Variants in SFTPB observed in about 807,000 individuals in gnomAD.
SFTPB encodes pulmonary surfactant-associated protein B.
SFTPB carries 32 observed loss-of-function variants against 51.0 expected under a neutral mutation model. The observed-to-expected ratio is 0.63, with a 90% CI of 0.47 to 0.84. The LOEUF (loss-of-function observed/expected upper bound fraction) is 0.84. Among genes scored for constraint, SFTPB ranks in the 40% least tolerant of loss-of-function variants. The probability of loss-of-function intolerance (pLI) is 0.00; values close to 1 mark genes in which losing one functional copy is unlikely to be tolerated. For missense variants in SFTPB, 431 were observed against 491.2 expected (o/e 0.88, Z 1.16); for synonymous variants, 211 against 208.5 (o/e 1.01, Z -0.10).
At chr2:85,664,009 A>G (rs1313681492) in intron 6 of SFTPB, among the ~76,000 whole-genome samples, 162 bp from the exon 7 acceptor site, 2 of 152,174 alleles carry the variant, frequency 1.3e-5, no homozygotes, top group Non-Finnish European at 2.9e-5. Flanking sequence ...CAGAGAGTCC[A>G]GGGGATGCAG....
rs1677177080 is a variant in SFTPB, at chr2:85,659,255, T to C, written c.*447A>G. The C allele has an allele frequency of 6.6e-6, 1 of 152,206 alleles. No homozygotes were observed. The highest frequency in any genetic ancestry group is 2.4e-5 in the African/African-American group (1 of 41,456). The allele number at this position is 152,206 out of a possible 1,614,324, so 9.4% of individuals were successfully genotyped here. A position where few individuals can be genotyped will look rare whatever the true frequency, so the allele number is the denominator to read the frequency against. Reference sequence around the variant, plus strand: ...GTTCCCATTTTTTATTCTTCTGAATTTTGAATTGCAAGTAGCTGTAAAATC... The same window carrying C: ...GTTCCCATTTTTTATTCTTCTGAATCTTGAATTGCAAGTAGCTGTAAAATC... On this transcript the variant is annotated 3_prime_UTR_variant, in exon 11 of 11. Transcript: ENST00000519937.
Position 85,665,500 on chromosome 2 carries a change from A to G in SFTPB, c.582+106T>C, listed in dbSNP as rs999240741. On this transcript the variant is annotated intron_variant, in intron 5 of 10. Transcript: ENST00000519937. ...CCTTAGGCCCTGCCTGGAGCTTCCTATCACCTTCCCGGCTCTGCCTCTCCC... is the reference window on the plus strand; with the variant it reads ...CCTTAGGCCCTGCCTGGAGCTTCCTGTCACCTTCCCGGCTCTGCCTCTCCC... 4 of 1,471,986 alleles carry G rather than the reference A, an allele frequency of 2.7e-6. No homozygotes were observed. In the African/African-American group the frequency reaches 5.6e-5, roughly 21 times the overall value. The allele number at this position is 1,471,986 out of a possible 1,614,324, so 91.2% of individuals were successfully genotyped here. A position where few individuals can be genotyped will look rare whatever the true frequency, so the allele number is the denominator to read the frequency against.
upstream of SFTPB, chr2:85,668,211 T>C: frequency 1.3e-6 from 2 of 1,550,490 alleles, no homozygotes; most frequent in Non-Finnish European, 8.7e-7. Flanking sequence ...GGTACCCTGC[T>C]TGGTGCATGG....
In SFTPB at chr2:85,661,553, C is replaced by T; in HGVS notation, c.1084-18G>A. The stretch of plus-strand genomic sequence containing the variant: ...CCGAGGGCCTGTCACAGGGACAGCA[C>T]CAGGGCTGAGGCCTGGGCCCCCTCA... On this transcript the variant is annotated intron_variant, in intron 9 of 10. Transcript: ENST00000519937. 6.2e-7 allele frequency: 1 copy of T among 1,606,368 alleles called. No individual in the cohort carries two copies. The highest frequency in any genetic ancestry group is 8.5e-7 in the Non-Finnish European group (1 of 1,176,506).
chr2:85,661,924 A>G, intron 9 of SFTPB, 105 bp downstream of exon 9: 2 of 1,136,840 alleles, frequency 1.8e-6, no homozygotes, highest in South Asian at 1.4e-5. Flanking sequence ...ACCTGGGACC[A>G]CCTTGGACCC....
intron 10 of SFTPB, chr2:85,661,204 G>T (rs1043734256): frequency 9.6e-6 from 4 of 414,808 alleles, no homozygotes; most frequent in Admixed American, 3.5e-5. Flanking sequence ...CGGGGGGTTG[G>T]GGGGGAAGCT....
intron 5 of SFTPB, 95 bp from the exon 6 acceptor site, chr2:85,665,473 T>A: frequency 1.4e-6 from 2 of 1,434,830 alleles, no homozygotes; most frequent in Non-Finnish European, 2.0e-6. Flanking sequence ...CTCTCCCTCC[T>A]CCCTTAGGCC....
chr2:85,662,409 G>A (rs757297894), intron 8 of SFTPB: 7 of 698,332 alleles, frequency 1.0e-5, no homozygotes, highest in Non-Finnish European at 1.2e-5. Context: ...GAAACTTAAC[G>A]TTCATCTGGT....
chr2:85,668,275 G>C, upstream of SFTPB: 1 of 1,272,070 alleles, frequency 7.9e-7, no homozygotes, highest in Non-Finnish European at 1.1e-6. Flanking sequence ...AGCGACCTCA[G>C]TGTTTGTCTT....
intron 4 of SFTPB, among the ~76,000 whole-genome samples, chr2:85,666,121 G>A (rs1456079969): frequency 2.6e-5 from 4 of 152,204 alleles, no homozygotes; most frequent in South Asian, 4.1e-4. Context: ...GCCCATGGTC[G>A]GGTGCATGGC....
chr2:85,668,135 G>T lies in SFTPB; in HGVS notation c.49C>A (p.Leu17Ile). ...GACTCACCAGTGCCTGGGCCACAGA[G>T]CGTGGGCAGCAGCAGCAGCAGCCAC... ...LQWLLLLLPT[L>I]CGPGTAAWTT... Residue 17 changes from leucine to isoleucine, a missense_variant, in exon 1 of 11, where the codon CTC becomes ATC. Leu to Ile is a conservative substitution (Grantham distance 5). Coordinates refer to ENST00000519937, the MANE Select transcript of SFTPB (RefSeq NM_000542.5). 1 of 1,551,330 alleles carries T rather than the reference G, an allele frequency of 6.4e-7. No homozygotes were observed.
chr2:85,663,881 C>G, intron 6 of SFTPB, 34 bp from the exon 7 acceptor site: 1 of 1,551,566 alleles, frequency 6.4e-7, no homozygotes, highest in Non-Finnish European at 8.7e-7. Flanking sequence ...CAGCATGGGA[C>G]CTTCACTTGG....
At chr2:85,668,012 G>T in intron 1 of SFTPB, 105 bp downstream of exon 1, 2 of 1,210,642 alleles carry the variant, frequency 1.7e-6, no homozygotes, top group Non-Finnish European at 1.2e-6. Context: ...AACCCCAGCT[G>T]CCTTGTCTTT....
rs114691084 is a variant in SFTPB, at chr2:85,659,546, C to T, written c.*156G>A. 1,560 of 152,650 alleles carry T rather than the reference C, an allele frequency of 0.01. 9 individuals carry two copies. Among genetic ancestry groups the T allele is most frequent in the Non-Finnish European group, 0.015 (1,018 of 68,300 alleles). 9.5% of individuals were successfully genotyped at this position (152,650 alleles called of 1,614,324 possible). ...GTGGTCCACCAGTGGAAGTGACTGCCGAGGAAGGGCGGTGAGGAGGGCGGT... is the reference window on the plus strand; with the variant it reads ...GTGGTCCACCAGTGGAAGTGACTGCTGAGGAAGGGCGGTGAGGAGGGCGGT... On this transcript the variant is annotated 3_prime_UTR_variant, in exon 11 of 11. Transcript: ENST00000519937.
At chr2:85,660,495 G>T (rs1677237682) in intron 10 of SFTPB, among the ~76,000 whole-genome samples, 1 of 137,362 alleles carries the variant, frequency 7.3e-6, no homozygotes, top group African/African-American at 2.8e-5. Context: ...TGTTGCCTAG[G>T]CTAGAGTGCA....
At chr2:85,661,650 G>A in intron 9 of SFTPB, 115 bp from the exon 10 acceptor site, 1 of 868,098 alleles carries the variant, frequency 1.2e-6, no homozygotes, top group Admixed American at 2.1e-5. Flanking sequence ...TGCTACCAGT[G>A]TGACTCTGTA....
chr2:85,665,241 A>T, intron 6 of SFTPB, 48 bp downstream of exon 6: 2 of 1,327,094 alleles, frequency 1.5e-6, no homozygotes, highest in African/African-American at 1.4e-5. Context: ...GCAGGGAGCT[A>T]CAGGTATGCG....
chr2:85,667,523 C>A (rs1052622291), intron 2 of SFTPB, among the ~76,000 whole-genome samples, 156 bp downstream of exon 2: 1 of 152,194 alleles, frequency 6.6e-6, no homozygotes, highest in African/African-American at 2.4e-5. Flanking sequence ...CCCATCGCAT[C>A]CATCCCATTC....
rs2104400347 is a variant in SFTPB, at chr2:85,663,444, A to G, written c.904T>C (p.Cys302Arg). The change falls in exon 8 of 11, where the codon TGC (cysteine) becomes CGC (arginine). Residue 302 changes from cysteine (C) to arginine (R), a missense_variant. By Grantham distance (180) the Cys-to-Arg change is radical (BLOSUM62 -3). Transcript: ENST00000519937. ...WLPRDSECHL[C>R]MSVTTQAGNS... ...CCGGCCTGGGTGGTCACGGACATGC[A>G]GAGGTGGCACTCAGAGTCTCGCGGC... is the stretch of plus-strand genomic sequence containing the variant. 4 of 1,613,982 alleles carry G rather than the reference A, an allele frequency of 2.5e-6. No homozygotes were observed. The highest frequency in any genetic ancestry group is 3.4e-6 in the Non-Finnish European group (4 of 1,179,996).
Sources: gnomAD v4.1 joint callset for allele counts (sites outside exome capture counted in the v4.1 genomes callset) on GRCh38, gnomAD v4.1.1 for gene constraint, MANE v1.5 for transcripts, NCBI Gene and HGNC (gene_info 2026-07-23, HGNC 2026-07-21) for gene names.